SH2B1: variants seen among roughly 807,000 people sequenced by gnomAD.
SH2B1 encodes SH2B adapter protein 1.
Under a neutral mutation model 62.6 loss-of-function variants are expected in SH2B1, and 15 were observed. The ratio of observed to expected loss-of-function variants is 0.24; its 90% CI spans 0.16 to 0.37. SH2B1 has a LOEUF of 0.37. Ranked by LOEUF, SH2B1 falls within the 10% of genes least tolerant of loss-of-function variation. The pLI is 1.00. For missense variants in SH2B1, 925 were observed against 1,015.6 expected (o/e 0.91, Z 1.21); for synonymous variants, 443 against 438.0 (o/e 1.01, Z -0.14).
Position 28,852,761 on chromosome 16 carries a change from T to TATATATTTAC in SH2B1, c.-301+5940_-301+5941insTTACATATAT, listed in dbSNP as rs1555510033. 2.9e-3 allele frequency among the ~76,000 whole-genome samples: 86 copies of TATATATTTAC among 29,908 alleles called. 12 individuals are homozygous for TATATATTTAC. Among genetic ancestry groups the TATATATTTAC allele is most frequent in the African/African-American group, 0.012 (63 of 5,392 alleles). 19.6% of individuals were successfully genotyped at this position (29,908 alleles called of 152,430 possible). A position where few individuals can be genotyped will look rare whatever the true frequency, so the allele number is the denominator to read the frequency against. ...ATATATATATTTACATATATATGTATATATATATTTATATATATATTTACA... is the reference window on the plus strand; with the variant it reads ...ATATATATATTTACATATATATGTATATATATTTACATATATATTTATATATATATTTACA... On this transcript the variant is annotated intron_variant, in intron 1 of 10. Coordinates refer to the SH2B1 transcript ENST00000322610.
intron 2 of SH2B1, among the ~76,000 whole-genome samples, chr16:28,868,468 T>C (rs961119710): frequency 7.2e-5 from 11 of 151,838 alleles, no homozygotes; most frequent in African/African-American, 2.2e-4. Flanking sequence ...TTTTATTTTT[T>C]ATATTTTTGA....
At chr16:28,852,888 T>A (rs56363222) in intron 1 of SH2B1, among the ~76,000 whole-genome samples, 1 of 52,038 alleles carries the variant, frequency 1.9e-5, no homozygotes, top group Non-Finnish European at 4.0e-5. Context: ...TTATATATAT[T>A]TACATATATT....
rs1379797580 is a variant in SH2B1, at chr16:28,865,705, G to C, written c.-390G>C. ...ATTGGAGGATCCGATGTAGAGGGGG[G>C]GTGATCTGGAAAAGTTCCCTTTTTT... On this transcript the variant is annotated 5_prime_UTR_variant, in exon 1 of 8. Coordinates refer to ENST00000684370, the MANE Select transcript of SH2B1 (RefSeq NM_001387430.1). The C allele has an allele frequency of 1.1e-5, 11 of 1,018,508 alleles. No homozygotes were observed. The highest frequency in any genetic ancestry group is 8.6e-5 in the African/African-American group (5 of 58,378). 63.1% of individuals were successfully genotyped at this position (1,018,508 alleles called of 1,614,324 possible).
rs1962637563 is a variant in SH2B1, at chr16:28,865,522, G to C, written c.-573G>C. 1 of 985,540 alleles carries C rather than the reference G, an allele frequency of 1.0e-6. No individual in the cohort carries two copies. The highest frequency in any genetic ancestry group is 6.1e-5 in the Admixed American group (1 of 16,274). The allele number at this position is 985,540 out of a possible 1,614,324, so 61.0% of individuals were successfully genotyped here. Reference sequence around the variant, plus strand: ...CTGGCCCAGCCGGGCCCTGGGGACAGGGACTATGAAGTGGGGAAAACAGTA... The same window carrying C: ...CTGGCCCAGCCGGGCCCTGGGGACACGGACTATGAAGTGGGGAAAACAGTA... On this transcript the variant is annotated 5_prime_UTR_variant, in exon 1 of 8. Coordinates refer to ENST00000684370, the MANE Select transcript of SH2B1 (RefSeq NM_001387430.1).
Position 28,873,188 on chromosome 16 carries a change from G to A in SH2B1, c.1898-259G>A, listed in dbSNP as rs1423923489. ...CCCCCAGGCCGGGAGCAGGCTGGGA[G>A]CCATGCGGGGGTGTGCGAGGGAGAT... On this transcript the variant is annotated intron_variant, in intron 7 of 7. Transcript: ENST00000684370. The surrounding 1 kb of genome is among the most constrained non-coding windows in gnomAD (Gnocchi z 4.2). The A allele has an allele frequency of 1.9e-6, 3 of 1,581,280 alleles. No individual in the cohort carries two copies. The Admixed American group carries it at 5.6e-5, about 29-fold the overall frequency.
rs1962567218 is a variant in SH2B1 at position 28,864,293 on chromosome 16, C to T, written c.-1802C>T. 3.0e-6 allele frequency: 3 copies of T among 998,522 alleles called. No individual in the cohort carries two copies. Among genetic ancestry groups the T allele is most frequent in the Middle Eastern group, 5.1e-4 (1 of 1,956 alleles). 61.9% of individuals were successfully genotyped at this position (998,522 alleles called of 1,614,324 possible). On this transcript the variant is annotated 5_prime_UTR_variant, in exon 1 of 8. Coordinates refer to ENST00000684370, the MANE Select transcript of SH2B1 (RefSeq NM_001387430.1). The stretch of plus-strand genomic sequence containing the variant: ...TGCACCGGGAAAATGTGTCTGAGTC[C>T]TGCTTGGCAGAAGAGAAACTGAGTC...
In SH2B1 at chr16:28,872,024, C is replaced by A; in HGVS notation, c.1513+41C>A. ...GTGTGCATGTCTCCAGGCCTGGGTG[C>A]CTACCTTCCTGACCACCTCTCCTGG... On this transcript the variant is annotated intron_variant, in intron 5 of 7. Coordinates refer to ENST00000684370, the MANE Select transcript of SH2B1 (RefSeq NM_001387430.1). The surrounding 1 kb of genome is among the most constrained non-coding windows in gnomAD (Gnocchi z 5.3). 1 of 1,391,964 alleles carries A rather than the reference C, an allele frequency of 7.2e-7. No homozygotes were observed. Among genetic ancestry groups the A allele is most frequent in the Non-Finnish European group, 1.0e-6 (1 of 979,120 alleles). 86.2% of individuals were successfully genotyped at this position (1,391,964 alleles called of 1,614,324 possible). A position where few individuals can be genotyped will look rare whatever the true frequency, so the allele number is the denominator to read the frequency against.
chr16:28,866,252 C>T lies in SH2B1; in HGVS notation c.158C>T (p.Pro53Leu), dbSNP rs1307169954. The change falls in exon 1 of 8, where the codon CCC becomes CTC. Residue 53 changes from proline to leucine, a missense_variant. By Grantham distance (98) the Pro-to-Leu change is moderately conservative. Around this residue, in one of 3 missense-constraint regions of SH2B1, gnomAD observed 683 missense variants for 704.0 expected, o/e 0.97. Coordinates refer to ENST00000684370, the MANE Select transcript of SH2B1 (RefSeq NM_001387430.1). The surrounding 1 kb of genome is among the most constrained non-coding windows in gnomAD (Gnocchi z 6.3). Reference protein sequence around the residue: ...RRFRLYLASHPQYAGPGAEAA... With the variant: ...RRFRLYLASHLQYAGPGAEAA... ...TTTCGCCTCTACCTGGCCTCCCACCCCCAATATGCGGGGCCCGGGGCCGAG... is the reference window on the plus strand; with the variant it reads ...TTTCGCCTCTACCTGGCCTCCCACCTCCAATATGCGGGGCCCGGGGCCGAG... 1 of 1,611,128 alleles carries T rather than the reference C, an allele frequency of 6.2e-7. No individual in the cohort carries two copies. Among genetic ancestry groups the T allele is most frequent in the African/African-American group, 1.3e-5 (1 of 74,900 alleles).
rs1555509872 is a variant in SH2B1, at chr16:28,852,468, A to ATATT, written c.-301+5643_-301+5644insTTTA. Among the ~76,000 whole-genome samples the ATATT allele has an allele frequency of 7.1e-3, 298 of 42,190 alleles. 106 individuals are homozygous for ATATT. Among genetic ancestry groups the ATATT allele is most frequent in the African/African-American group, 0.017 (147 of 8,504 alleles). 27.7% of individuals were successfully genotyped at this position (42,190 alleles called of 152,430 possible). A position where few individuals can be genotyped will look rare whatever the true frequency, so the allele number is the denominator to read the frequency against. Reference sequence around the variant, plus strand: ...TATATTTACATATATATTTATATATATACATATATATTTATATATACATAC... The same window carrying ATATT: ...TATATTTACATATATATTTATATATATATTTACATATATATTTATATATACATAC... On this transcript the variant is annotated intron_variant, in intron 1 of 10. Coordinates refer to the SH2B1 transcript ENST00000322610.
chr16:28,852,225 TATATTTACATATATATATTTACATA>T (rs1962119900), intron 1 of SH2B1, among the ~76,000 whole-genome samples: 2 of 95,672 alleles, frequency 2.1e-5, no homozygotes, highest in South Asian at 7.1e-4. Flanking sequence ...TATTTACATA[TATATTTACATATATATATTTACATA>T]TATATATTTA....
intron 4 of SH2B1, 87 bp downstream of exon 4, chr16:28,869,470 C>T (rs1018553769): frequency 9.0e-6 from 11 of 1,219,226 alleles, no homozygotes; most frequent in Admixed American, 7.4e-5. Flanking sequence ...CTCCAGACGC[C>T]ACTGTGCCCC....
At chr16:28,849,015 G>A (rs531589988) in intron 1 of SH2B1, among the ~76,000 whole-genome samples, 1 of 152,232 alleles carries the variant, frequency 6.6e-6, no homozygotes, top group African/African-American at 2.4e-5. Context: ...CTCAGATAAA[G>A]TGAGGAACTT....
In SH2B1 at chr16:28,866,236, T is replaced by A; in HGVS notation, c.142T>A (p.Tyr48Asn). 6.2e-7 allele frequency: 1 copy of A among 1,610,494 alleles called. No individual in the cohort carries two copies. Among genetic ancestry groups the A allele is most frequent in the Non-Finnish European group, 8.5e-7 (1 of 1,179,324 alleles). ...ALDFARRFRL[Y>N]LASHPQYAGP... is the part of the protein sequence containing the mutation. ...GGACTTTGCCCGCCGTTTTCGCCTC[T>A]ACCTGGCCTCCCACCCCCAATATGC... Residue 48 changes from tyrosine to asparagine, a missense_variant, in exon 1 of 8, where the codon TAC (tyrosine) becomes AAC (asparagine). Physicochemically the swap from Tyr to Asn is moderately radical, Grantham distance 143 (BLOSUM62 -2). Transcript: ENST00000684370. The surrounding 1 kb of genome is among the most constrained non-coding windows in gnomAD (Gnocchi z 6.3).
At position 28,869,012 on chromosome 16, in the gene SH2B1, G is replaced by T; in HGVS notation, c.1048G>T (p.Gly350Cys). 6.2e-7 allele frequency: 1 copy of T among 1,613,868 alleles called. No homozygotes were observed. Among genetic ancestry groups the T allele is most frequent in the Non-Finnish European group, 8.5e-7 (1 of 1,179,734 alleles). ...CGTCGTCTCATCTCTGTAGGTGGAA[G>T]GTCCATCCGAGTATATCATGGAGAC... ...RENTFVVKVE[G>C]PSEYIMETVD... Residue 350 changes from glycine to cysteine, a missense_variant, in exon 3 of 8, where the codon GGT (glycine) becomes TGT (cysteine). Gly to Cys is a radical substitution (Grantham distance 159, BLOSUM62 -3). This residue lies in a region of SH2B1 where 683 missense variants were observed against 704.0 expected (regional missense o/e 0.97). Transcript: ENST00000684370.
At chr16:28,863,784 C>G, upstream of SH2B1, 1 of 1,535,690 alleles carries the variant, frequency 6.5e-7, no homozygotes, top group Non-Finnish European at 8.7e-7. Context: ...TCCCTCCCGC[C>G]GCTGTTCTCT....
rs1962896923 is a variant in SH2B1, at chr16:28,869,209, C to T, written c.1135C>T (p.Pro379Ser). 4.3e-6 allele frequency: 7 copies of T among 1,613,974 alleles called. No homozygotes were observed. The highest frequency in any genetic ancestry group is 5.1e-6 in the Non-Finnish European group (6 of 1,179,982). ...SDIQECLSPGPCPATSPRPMT... is the reference protein window; with the variant it reads ...SDIQECLSPGSCPATSPRPMT... ...GCACCATCTTCCCTGTCTCTGCAGACCCTGCCCTGCTACCAGTCCCCGCCC... is the reference window on the plus strand; with the variant it reads ...GCACCATCTTCCCTGTCTCTGCAGATCCTGCCCTGCTACCAGTCCCCGCCC... The change falls in exon 4 of 8, where the codon CCC becomes TCC. Residue 379 changes from proline to serine, a missense_variant and splice_region_variant. Physicochemically the swap from Pro to Ser is moderately conservative, Grantham distance 74. This residue lies in a region of SH2B1 where 683 missense variants were observed against 704.0 expected (regional missense o/e 0.97). Transcript: ENST00000684370.
Position 28,867,412 on chromosome 16 carries a change from G to A in SH2B1, c.1021G>A (p.Glu341Lys). The A allele has an allele frequency of 4.3e-6, 7 of 1,613,918 alleles. No homozygotes were observed. Among genetic ancestry groups the A allele is most frequent in the Non-Finnish European group, 5.1e-6 (6 of 1,179,756 alleles). Residue 341 changes from glutamate to lysine, a missense_variant, in exon 2 of 8, where the codon GAG (glutamate) becomes AAG (lysine). Around this residue, in one of 3 missense-constraint regions of SH2B1, gnomAD observed 683 missense variants for 704.0 expected, o/e 0.97. Transcript: ENST00000684370. ...TTTALEMPDR[E>K]NTFVVKVEGP... ...CACAGCCCTGGAGATGCCTGACCGG[G>A]AGAACACGTTTGTGGTTAAGGTAGG... is the stretch of plus-strand genomic sequence containing the variant.
chr16:28,873,216 A>T lies in SH2B1; in HGVS notation c.1898-231A>T. On this transcript the variant is annotated intron_variant, in intron 7 of 7. Coordinates refer to ENST00000684370, the MANE Select transcript of SH2B1 (RefSeq NM_001387430.1). This position sits in a 1 kb window ranked among gnomAD's most constrained non-coding sequence, Gnocchi z 4.2. ...ATGCGGGGGTGTGCGAGGGAGATGG[A>T]TGCCACCCCGATGCCTCCTGCACCC... The T allele has an allele frequency of 1.2e-6, 2 of 1,603,446 alleles. No individual in the cohort carries two copies. The highest frequency in any genetic ancestry group is 1.7e-6 in the Non-Finnish European group (2 of 1,177,636).
intron 1 of SH2B1, among the ~76,000 whole-genome samples, chr16:28,853,262 T>C (rs1962249052): frequency 1.4e-5 from 2 of 146,818 alleles, no homozygotes; most frequent in African/African-American, 5.0e-5. Context: ...CACATACATA[T>C]ATTGGCTGGG....
Sources: allele counts gnomAD v4.1 joint callset (sites outside exome capture counted in the v4.1 genomes callset), GRCh38; gene constraint gnomAD v4.1.1; regional missense constraint gnomAD v4.1.1; non-coding constraint Gnocchi (gnomAD v3.1); transcripts MANE v1.5; gene names NCBI Gene and HGNC (gene_info 2026-07-23, HGNC 2026-07-21).